SLBP: variants seen among roughly 807,000 people sequenced by gnomAD.
SLBP encodes histone RNA hairpin-binding protein.
Under a neutral mutation model 39.2 loss-of-function variants are expected in SLBP, and 29 were observed. The observed-to-expected ratio is 0.74, with a 90% CI of 0.55 to 1.01. The LOEUF is 1.01. Ranked by LOEUF, SLBP falls within the 50% of genes least tolerant of loss-of-function variation. SLBP has a pLI of 0.00. For missense variants in SLBP, 390 were observed against 350.2 expected (o/e 1.11, Z -0.91); for synonymous variants, 129 against 118.7 (o/e 1.09, Z -0.57).
chr4:1,695,054 A>G (rs1246697731), intron 6 of SLBP, among the ~76,000 whole-genome samples: 3 of 152,212 alleles, frequency 2.0e-5, no homozygotes, highest in Non-Finnish European at 2.9e-5. Context: ...GAGAAGCAAC[A>G]AAAAGATCTG....
chr4:1,710,090 G>C (rs960698533), intron 2 of SLBP, among the ~76,000 whole-genome samples: 1 of 152,060 alleles, frequency 6.6e-6, no homozygotes, highest in Non-Finnish European at 1.5e-5. Flanking sequence ...TGTTAGTCAG[G>C]CTGGTGTCGA....
chr4:1,705,560 T>C (rs1231797589), intron 2 of SLBP, among the ~76,000 whole-genome samples: 1 of 152,164 alleles, frequency 6.6e-6, no homozygotes, highest in African/African-American at 2.4e-5. Flanking sequence ...GAGTACTTCA[T>C]AGAATTATAA....
At chr4:1,705,009 C>T (rs1211138898) in intron 2 of SLBP, among the ~76,000 whole-genome samples, 3 of 152,010 alleles carry the variant, frequency 2.0e-5, no homozygotes, top group Admixed American at 6.6e-5. Context: ...CTCACTGCAA[C>T]CTCTGCCTCC....
At position 1,699,552 on chromosome 4, in the gene SLBP, AAAC is replaced by A; in HGVS notation, c.479+9_479+11del. The A allele has an allele frequency of 6.2e-7, 1 of 1,613,746 alleles. No individual in the cohort carries two copies. Among genetic ancestry groups the A allele is most frequent in the Non-Finnish European group, 8.5e-7 (1 of 1,179,698 alleles). Reference sequence around the variant, plus strand: ...ACAGCTTGTTCAAGACATGCCACTGAAACAAGACTACCTTGGGACTTCTTTAAT... The same window carrying A: ...ACAGCTTGTTCAAGACATGCCACTGAAAGACTACCTTGGGACTTCTTTAAT... On this transcript the variant is annotated intron_variant, in intron 5 of 7. Transcript: ENST00000489418.
At chr4:1,709,961 C>A (rs866119583) in intron 2 of SLBP, among the ~76,000 whole-genome samples, 12 of 152,178 alleles carry the variant, frequency 7.9e-5, no homozygotes, top group African/African-American at 2.4e-4. Flanking sequence ...CAACTCCGGG[C>A]CTTTTGCAGC....
At chr4:1,696,770 T>C (rs1049722856) in intron 5 of SLBP, among the ~76,000 whole-genome samples, 3 of 151,678 alleles carry the variant, frequency 2.0e-5, no homozygotes, top group African/African-American at 7.3e-5. Context: ...TGGTGGCCTG[T>C]GCCTGTAATC....
chr4:1,709,345 G>A (rs2108665387), intron 2 of SLBP, among the ~76,000 whole-genome samples: 1 of 152,298 alleles, frequency 6.6e-6, no homozygotes, highest in Middle Eastern at 3.4e-3. Context: ...AGGCCTCTGA[G>A]GAGGAAAGCC....
At chr4:1,709,763 T>C (rs1255222074) in intron 2 of SLBP, among the ~76,000 whole-genome samples, 2 of 152,064 alleles carry the variant, frequency 1.3e-5, no homozygotes, top group African/African-American at 4.8e-5. Context: ...AGGCGCCCGC[T>C]ACCACGCCCG....
chr4:1,706,988 G>C (rs1191265249), intron 2 of SLBP, among the ~76,000 whole-genome samples: 2 of 151,758 alleles, frequency 1.3e-5, no homozygotes, highest in Non-Finnish European at 2.9e-5. Context: ...GGGAGGCCGA[G>C]GCGGGTGGAT....
chr4:1,701,673 G>A (rs544061596), intron 3 of SLBP, among the ~76,000 whole-genome samples: 5 of 152,266 alleles, frequency 3.3e-5, no homozygotes, highest in South Asian at 2.1e-4. Flanking sequence ...TTGGGAGGCC[G>A]AGGCGGGCAA....
chr4:1,706,194 G>A (rs992524965), intron 2 of SLBP, among the ~76,000 whole-genome samples: 22 of 152,120 alleles, frequency 1.4e-4, no homozygotes, highest in Admixed American at 1.4e-3. Flanking sequence ...GCTGAGGCAG[G>A]AGAACTGCTT....
In SLBP at chr4:1,712,274, G is replaced by A. The variant is rs956231697; in HGVS notation, c.-86C>T. ...AGAGCGCAGAGTAGAGCAGGGCAGG[G>A]CCTGAGGCAGAAACCCGCGTCCCCG... On this transcript the variant is annotated 5_prime_UTR_variant, in exon 1 of 8. Coordinates refer to ENST00000489418, the MANE Select transcript of SLBP (RefSeq NM_006527.4). The A allele has an allele frequency of 1.6e-5, 14 of 852,310 alleles. No individual in the cohort carries two copies. The highest frequency in any genetic ancestry group is 4.0e-4 in the Middle Eastern group (1 of 2,476). The allele number at this position is 852,310 out of a possible 1,614,324, so 52.8% of individuals were successfully genotyped here.
At chr4:1,701,970 A>G (rs1716345736) in intron 3 of SLBP, among the ~76,000 whole-genome samples, 1 of 152,204 alleles carries the variant, frequency 6.6e-6, no homozygotes, top group Admixed American at 6.5e-5. Flanking sequence ...TCAACAGAGC[A>G]GCCCAAACAG....
intron 5 of SLBP, among the ~76,000 whole-genome samples, chr4:1,698,538 G>A (rs540990334): frequency 1.3e-5 from 2 of 151,460 alleles, no homozygotes; most frequent in East Asian, 2.0e-4. Context: ...AGGCTGGAGT[G>A]CAGTGGTGCA....
chr4:1,696,225 T>C lies in SLBP; in HGVS notation c.606A>G (p.Glu202=). ...ACATTTCTTGCAAATCACATCCTTCTTCCGCTGGAGGATCCCAAAAATGCA... is the reference window on the plus strand; with the variant it reads ...ACATTTCTTGCAAATCACATCCTTCCTCCGCTGGAGGATCCCAAAAATGCA... ...VALHFWDPPA[E]EGCDLQEIHP... Residue 202 remains glutamate, a synonymous_variant, in exon 6 of 8, where the codon GAA becomes GAG. Coordinates refer to ENST00000489418, the MANE Select transcript of SLBP (RefSeq NM_006527.4). The C allele has an allele frequency of 6.3e-7, 1 of 1,596,106 alleles. No homozygotes were observed. The highest frequency in any genetic ancestry group is 8.5e-7 in the Non-Finnish European group (1 of 1,173,446).
chr4:1,706,067 C>T (rs1379974002), intron 2 of SLBP, among the ~76,000 whole-genome samples: 1 of 152,026 alleles, frequency 6.6e-6, no homozygotes, highest in East Asian at 1.9e-4. Flanking sequence ...GGTGGATGAC[C>T]CAAGGTAAGG....
At chr4:1,696,409 G>A in intron 5 of SLBP, 58 bp from the exon 6 acceptor site, 1 of 1,388,044 alleles carries the variant, frequency 7.2e-7, no homozygotes, top group Non-Finnish European at 9.6e-7. Flanking sequence ...TTCCACATTA[G>A]CCTGAAGATT....
chr4:1,710,507 C>T (rs770770583), intron 2 of SLBP, among the ~76,000 whole-genome samples: 1 of 152,130 alleles, frequency 6.6e-6, no homozygotes, highest in Non-Finnish European at 1.5e-5. Flanking sequence ...TAGAAGAACA[C>T]GAAATTACAG....
chr4:1,703,703 G>A lies in SLBP; in HGVS notation c.177-3C>T. 1 of 1,587,712 alleles carries A rather than the reference G, an allele frequency of 6.3e-7. No individual in the cohort carries two copies. Among genetic ancestry groups the A allele is most frequent in the Non-Finnish European group, 8.7e-7 (1 of 1,156,020 alleles). ...TAGGGCCTTCAGGAGTGGTAAAGCT[G>A]CAATAAAAGGAAAATGCTACTGAAC... is the stretch of plus-strand genomic sequence containing the variant. On this transcript the variant is annotated splice_polypyrimidine_tract_variant and splice_region_variant and intron_variant, in intron 2 of 7. Transcript: ENST00000489418.
Sources: gnomAD v4.1 joint callset for allele counts (sites outside exome capture counted in the v4.1 genomes callset) on GRCh38, gnomAD v4.1.1 for gene constraint, MANE v1.5 for transcripts, NCBI Gene and HGNC (gene_info 2026-07-23, HGNC 2026-07-21) for gene names.